Variants in TSHZ3 observed in about 807,000 individuals in gnomAD.
TSHZ3 encodes the protein teashirt zinc finger homeobox 3.
Under a neutral mutation model 64.5 loss-of-function variants are expected in TSHZ3, and 10 were observed. That is an observed-to-expected ratio of 0.16 (90% CI 0.10 to 0.26). The LOEUF (loss-of-function observed/expected upper bound fraction) is 0.26. Among genes scored for constraint, TSHZ3 ranks in the 10% least tolerant of loss-of-function variants. The pLI is 1.00. For synonymous variants in TSHZ3, 608 were observed against 593.1 expected, an observed-to-expected ratio of 1.03 and a Z score of -0.36; for missense variants, 1,242 against 1,421.7, an observed-to-expected ratio of 0.87 and a Z score of 2.03.
chr19:31,349,605 GC>G (rs370409128), upstream of TSHZ3: 52 of 127,592 alleles, frequency 4.1e-4, no homozygotes, highest in Non-Finnish European at 6.6e-4. Flanking sequence ...CGGCGGCCCT[GC>G]CCCCCCCCGC....
chr19:31,189,362 T>C (rs1253623035), intron 5 of TSHZ3, among the ~76,000 whole-genome samples: 1 of 151,996 alleles, frequency 6.6e-6, no homozygotes. Flanking sequence ...TTTTCTAATA[T>C]AAACTTTTAA....
intron 1 of TSHZ3, among the ~76,000 whole-genome samples, chr19:31,314,061 G>A (rs959980688): frequency 6.6e-6 from 1 of 152,130 alleles, no homozygotes; most frequent in Non-Finnish European, 1.5e-5. Context: ...CCTGCCTCTC[G>A]AGTGGCTGTT....
chr19:31,202,972 G>T (rs545330351), intron 5 of TSHZ3, among the ~76,000 whole-genome samples: 1 of 152,068 alleles, frequency 6.6e-6, no homozygotes, highest in Non-Finnish European at 1.5e-5. Context: ...ACTGTAAAAA[G>T]CTATTCTGGT....
At chr19:31,271,109 G>A (rs756861932), downstream of TSHZ3, among the ~76,000 whole-genome samples, 6 of 152,260 alleles carry the variant, frequency 3.9e-5, no homozygotes, top group South Asian at 6.2e-4. Context: ...TGCCTGGTAC[G>A]GCTCCAGCCT....
intron 5 of TSHZ3, among the ~76,000 whole-genome samples, chr19:31,188,072 C>T (rs750091147): frequency 2.4e-4 from 36 of 151,800 alleles, no homozygotes; most frequent in Non-Finnish European, 4.4e-4. Context: ...TTTAGGTCTT[C>T]TTTAATTTTT....
chr19:31,185,101 C>T (rs1168197032), intron 5 of TSHZ3, among the ~76,000 whole-genome samples: 22 of 74,566 alleles, frequency 3.0e-4, no homozygotes, highest in Non-Finnish European at 5.0e-4. Flanking sequence ...AAGGAAACAA[C>T]AACAAAAAAA....
chr19:31,171,178 C>A (rs1260612722), intron 5 of TSHZ3, among the ~76,000 whole-genome samples: 1 of 152,090 alleles, frequency 6.6e-6, no homozygotes, highest in Non-Finnish European at 1.5e-5. Flanking sequence ...CGCTTGGTAG[C>A]CTTGCCTGGG....
chr19:31,305,902 T>C (rs1916276877), intron 1 of TSHZ3: 1 of 152,164 alleles, frequency 6.6e-6, no homozygotes, highest in African/African-American at 2.4e-5. Flanking sequence ...AAAGAATATC[T>C]GTTTTTAAAA....
chr19:31,245,633 C>T (rs1458727245), intron 1 of TSHZ3, among the ~76,000 whole-genome samples: 1 of 146,882 alleles, frequency 6.8e-6, no homozygotes, highest in East Asian at 1.9e-4. Context: ...AAAATCATTG[C>T]TCCTGTACTG....
intron 1 of TSHZ3, among the ~76,000 whole-genome samples, chr19:31,346,435 T>C (rs1917594655): frequency 6.6e-6 from 1 of 152,220 alleles, no homozygotes; most frequent in Non-Finnish European, 1.5e-5. Context: ...GCGTCGAGCT[T>C]GTCATCTCCA....
At chr19:31,169,350 C>T (rs895827878) in intron 5 of TSHZ3, among the ~76,000 whole-genome samples, 1 of 152,004 alleles carries the variant, frequency 6.6e-6, no homozygotes, top group Non-Finnish European at 1.5e-5. Flanking sequence ...TTCACAATAA[C>T]CAAAGTGGAA....
chr19:31,336,951 T>C (rs934816980), intron 1 of TSHZ3, among the ~76,000 whole-genome samples: 12 of 152,150 alleles, frequency 7.9e-5, no homozygotes, highest in African/African-American at 2.9e-4. Context: ...CTCAGCTGCT[T>C]AAGTGTCTAG....
chr19:31,199,556 A>G (rs932039225), intron 5 of TSHZ3, among the ~76,000 whole-genome samples: 1 of 150,844 alleles, frequency 6.6e-6, no homozygotes, highest in South Asian at 2.1e-4. Context: ...AAAATAAAAT[A>G]AAATCTAGAC....
intron 1 of TSHZ3, among the ~76,000 whole-genome samples, chr19:31,269,339 T>C (rs1177408836): frequency 6.6e-6 from 1 of 152,220 alleles, no homozygotes; most frequent in Non-Finnish European, 1.5e-5. Context: ...CTTCAGCTTT[T>C]GCCGACTCGG....
At chr19:31,159,586 T>C (rs533793082) in intron 5 of TSHZ3, among the ~76,000 whole-genome samples, 13 of 152,358 alleles carry the variant, frequency 8.5e-5, no homozygotes, top group East Asian at 7.7e-4. Context: ...TCTATTTCTA[T>C]TGGGCATCAC....
At chr19:31,293,577 T>C (rs2145132906) in intron 1 of TSHZ3, among the ~76,000 whole-genome samples, 1 of 152,356 alleles carries the variant, frequency 6.6e-6, no homozygotes, top group Middle Eastern at 3.4e-3. Flanking sequence ...GGAAGTCCTT[T>C]CTCACCTGTC....
chr19:31,292,311 C>T (rs947934637), intron 1 of TSHZ3, among the ~76,000 whole-genome samples: 21 of 152,070 alleles, frequency 1.4e-4, no homozygotes, highest in Non-Finnish European at 2.8e-4. Context: ...ATGTCTTTAA[C>T]AAGGCAGTTC....
chr19:31,238,367 T>A (rs1164065731), intron 3 of TSHZ3, among the ~76,000 whole-genome samples: 1 of 152,034 alleles, frequency 6.6e-6, no homozygotes, highest in African/African-American at 2.4e-5. Flanking sequence ...GCGATTCTCT[T>A]GCCTCTGCCT....
chr19:31,174,010 A>G (rs1347964248), intron 5 of TSHZ3, among the ~76,000 whole-genome samples: 2 of 152,178 alleles, frequency 1.3e-5, no homozygotes, highest in Non-Finnish European at 2.9e-5. Context: ...GGAGACTGCA[A>G]TGAGCTGAGA....
Sources: gnomAD v4.1 joint callset for allele counts (sites outside exome capture counted in the v4.1 genomes callset) on GRCh38, gnomAD v4.1.1 for gene constraint, MANE v1.5 for transcripts, NCBI Gene and HGNC (gene_info 2026-07-23, HGNC 2026-07-21) for gene names.